PDGFRB: variants seen among roughly 807,000 people sequenced by gnomAD.
The protein encoded by PDGFRB is platelet-derived growth factor receptor beta.
PDGFRB carries 42 observed loss-of-function variants against 120.2 expected under a neutral mutation model. The ratio of observed to expected loss-of-function variants is 0.35; its 90% confidence interval spans 0.27 to 0.45. The LOEUF is 0.45. Ranked by LOEUF, PDGFRB falls within the 20% of genes least tolerant of loss-of-function variation. The pLI is 1.00. For synonymous variants in PDGFRB, 586 were observed against 606.8 expected, an observed-to-expected ratio of 0.97 and a Z score of 0.50; for missense variants, 1,149 against 1,476.3, an observed-to-expected ratio of 0.78 and a Z score of 3.63.
intron 1 of PDGFRB, among the ~76,000 whole-genome samples, chr5:150,146,945 G>A (rs750348736): frequency 5.3e-5 from 8 of 152,176 alleles, no homozygotes; most frequent in African/African-American, 9.7e-5. Context: ...TTTTAAAGTC[G>A]AGCTAGGGAT....
At position 150,132,619 on chromosome 5, in the gene PDGFRB, C is replaced by T; in HGVS notation, c.1127+131G>A. ...GAACTGTCAGCTCTGGTCGCTGCAGCATCCCCAGCACCTGGCACCTAATAT... is the reference window on the plus strand; with the variant it reads ...GAACTGTCAGCTCTGGTCGCTGCAGTATCCCCAGCACCTGGCACCTAATAT... On this transcript the variant is annotated intron_variant, in intron 7 of 22. Coordinates refer to ENST00000261799, the MANE Select transcript of PDGFRB (RefSeq NM_002609.4). This position sits in a 1 kb window ranked among gnomAD's most constrained non-coding sequence, Gnocchi z 5.0. 1.3e-6 allele frequency: 1 copy of T among 793,952 alleles called. No individual in the cohort carries two copies. Among genetic ancestry groups the T allele is most frequent in the Non-Finnish European group, 2.0e-6 (1 of 507,850 alleles). 49.2% of individuals were successfully genotyped at this position (793,952 alleles called of 1,614,324 possible).
chr5:150,149,343 CT>C (rs1761008833), intron 1 of PDGFRB, among the ~76,000 whole-genome samples: 1 of 152,198 alleles, frequency 6.6e-6, no homozygotes, highest in African/African-American at 2.4e-5. Context: ...ATGCAGGGCT[CT>C]TTGTTAAAAA....
chr5:150,118,860 T>A lies in PDGFRB; in HGVS notation c.2799-8A>T. 5.7e-6 allele frequency: 9 copies of A among 1,580,340 alleles called. No individual in the cohort carries two copies. Among genetic ancestry groups the A allele is most frequent in the Non-Finnish European group, 7.8e-6 (9 of 1,150,120 alleles). On this transcript the variant is annotated splice_polypyrimidine_tract_variant and splice_region_variant and intron_variant, in intron 20 of 22. Transcript: ENST00000261799. ...TTCTGCATGATCTCATAGCTGGGGATAGGGAGAAGGGTCAGGGCCTCTGGC... is the reference window on the plus strand; with the variant it reads ...TTCTGCATGATCTCATAGCTGGGGAAAGGGAGAAGGGTCAGGGCCTCTGGC...
chr5:150,114,865 C>T lies in PDGFRB; in HGVS notation c.*898G>A, dbSNP rs185163183. The T allele has an allele frequency of 1.4e-4, 32 of 233,498 alleles. No individual in the cohort carries two copies. In the Admixed American group the frequency reaches 1.7e-3, roughly 12 times the overall value. The allele number at this position is 233,498 out of a possible 1,614,324, so 14.5% of individuals were successfully genotyped here. Reference sequence around the variant, plus strand: ...AGAGGGTGAGGGATTCCTCCAAAGCCTCATAGCAGGTCCAATGCAGAGCCA... The same window carrying T: ...AGAGGGTGAGGGATTCCTCCAAAGCTTCATAGCAGGTCCAATGCAGAGCCA... On this transcript the variant is annotated 3_prime_UTR_variant, in exon 23 of 23. Coordinates refer to ENST00000261799, the MANE Select transcript of PDGFRB (RefSeq NM_002609.4).
chr5:150,117,289 G>GCTT (rs758532781), intron 22 of PDGFRB, among the ~76,000 whole-genome samples: 44 of 152,130 alleles, frequency 2.9e-4, no homozygotes, highest in Middle Eastern at 3.2e-3. Context: ...AAGTAGGTTT[G>GCTT]CTTCTTCTTT....
chr5:150,133,849 C>A, intron 5 of PDGFRB, 32 bp downstream of exon 5: 1 of 1,613,680 alleles, frequency 6.2e-7, no homozygotes, highest in Non-Finnish European at 8.5e-7. Context: ...GTTCCTGGCC[C>A]CTCCTCCGAC....
At position 150,133,721 on chromosome 5, in the gene PDGFRB, C is replaced by A. The variant is rs754514493; in HGVS notation, c.799G>T (p.Asp267Tyr). ...LVEPVTDFLL[D>Y]MPYHIRSILH... ...ATGGAGCGGATGTGGTAAGGCATAT[C>A]CAAGAGGAAGTCAGTCACCGGCTCC... The change falls in exon 6 of 23, where the codon GAT (aspartate) becomes TAT (tyrosine). Residue 267 changes from aspartate (D) to tyrosine (Y), a missense_variant. This residue lies in a region of PDGFRB where 879 missense variants were observed against 1,108.6 expected (regional missense o/e 0.79). Coordinates refer to ENST00000261799, the MANE Select transcript of PDGFRB (RefSeq NM_002609.4). 1 of 1,614,134 alleles carries A rather than the reference C, an allele frequency of 6.2e-7. No individual in the cohort carries two copies. Among genetic ancestry groups the A allele is most frequent in the East Asian group, 2.2e-5 (1 of 44,878 alleles).
At position 150,134,804 on chromosome 5, in the gene PDGFRB, T is replaced by C. The variant is rs747602665; in HGVS notation, c.577A>G (p.Thr193Ala). 6 of 1,614,058 alleles carry C rather than the reference T, an allele frequency of 3.7e-6. No individual in the cohort carries two copies. Among genetic ancestry groups the C allele is most frequent in the Non-Finnish European group, 5.1e-6 (6 of 1,179,972 alleles). Residue 193 changes from threonine (T) to alanine (A), a missense_variant, in exon 4 of 23, where the codon ACC (threonine) becomes GCC (alanine). Physicochemically the swap from Thr to Ala is moderately conservative, Grantham distance 58 (BLOSUM62 0). This residue lies in a region of PDGFRB where 879 missense variants were observed against 1,108.6 expected (regional missense o/e 0.79). Coordinates refer to ENST00000261799, the MANE Select transcript of PDGFRB (RefSeq NM_002609.4). ...FEDRSYICKT[T>A]IGDREVDSDA... Reference sequence around the variant, plus strand: ...GAATCCACCTCCCTGTCCCCAATGGTGGTTTTGCAGATGTAGCTTCTGTCC... The same window carrying C: ...GAATCCACCTCCCTGTCCCCAATGGCGGTTTTGCAGATGTAGCTTCTGTCC...
Position 150,123,147 on chromosome 5 carries a change from A to T in PDGFRB, c.2078T>A (p.Leu693Gln). 6.2e-7 allele frequency: 1 copy of T among 1,613,780 alleles called. No homozygotes were observed. Among genetic ancestry groups the T allele is most frequent in the Non-Finnish European group, 8.5e-7 (1 of 1,179,788 alleles). ...CAGGAAGGTGTGTTTGTTGCGGTGC[A>T]GGTAGTCCACCAGGTCTCCGTAGCG... ...YCRYGDLVDY[L>Q]HRNKHTFLQH... Residue 693 changes from leucine to glutamine, a missense_variant, in exon 15 of 23, where the codon CTG becomes CAG. Coordinates refer to ENST00000261799, the MANE Select transcript of PDGFRB (RefSeq NM_002609.4).
chr5:150,129,566 C>T (rs138119663), intron 10 of PDGFRB, among the ~76,000 whole-genome samples, 191 bp downstream of exon 10: 44 of 152,348 alleles, frequency 2.9e-4, no homozygotes, highest in African/African-American at 1.0e-3. Context: ...TGTTTGTACA[C>T]GTGTGTACCC....
intron 3 of PDGFRB, 110 bp from the exon 4 acceptor site, chr5:150,135,126 C>T: frequency 1.6e-6 from 1 of 644,494 alleles, no homozygotes; most frequent in Non-Finnish European, 2.8e-6. Flanking sequence ...CTCCCCGTTA[C>T]AGAATAGGGA....
At chr5:150,140,990 G>A (rs1037814121) in intron 1 of PDGFRB, among the ~76,000 whole-genome samples, 2 of 152,214 alleles carry the variant, frequency 1.3e-5, no homozygotes, top group South Asian at 2.1e-4. Context: ...GGCCAGGGAG[G>A]GGGCCCTGCA....
At chr5:150,136,347 G>T (rs1760631795) in intron 2 of PDGFRB, among the ~76,000 whole-genome samples, 1 of 152,202 alleles carries the variant, frequency 6.6e-6, no homozygotes, top group Admixed American at 6.5e-5. Context: ...AGGGGGGCCA[G>T]AAAAGATGCT....
intron 1 of PDGFRB, among the ~76,000 whole-genome samples, chr5:150,142,093 C>A (rs986237225): frequency 1.3e-5 from 2 of 152,228 alleles, no homozygotes; most frequent in East Asian, 1.9e-4. Context: ...AATGTCAGCA[C>A]GCCAGAGCCC....
chr5:150,133,634 T>A lies in PDGFRB; in HGVS notation c.886A>T (p.Ser296Cys), dbSNP rs764858967. Residue 296 changes from serine (S) to cysteine (C), a missense_variant, in exon 6 of 23, where the codon AGT becomes TGT. Physicochemically the swap from Ser to Cys is moderately radical, Grantham distance 112 (BLOSUM62 -1). This residue lies in a region of PDGFRB where 879 missense variants were observed against 1,108.6 expected (regional missense o/e 0.79). Coordinates refer to ENST00000261799, the MANE Select transcript of PDGFRB (RefSeq NM_002609.4). ...SGTYTCNVTE[S>C]VNDHQDEKAI... ...TTTTCATCCTGATGGTCATTCACAC[T>A]CTCCGTCACATTGCAGGTGTAGGTC... is the stretch of plus-strand genomic sequence containing the variant. The A allele has an allele frequency of 6.2e-7, 1 of 1,614,132 alleles. No homozygotes were observed. Among genetic ancestry groups the A allele is most frequent in the East Asian group, 2.2e-5 (1 of 44,882 alleles).
chr5:150,151,942 T>G (rs898329819), intron 1 of PDGFRB, among the ~76,000 whole-genome samples: 3 of 151,860 alleles, frequency 2.0e-5, no homozygotes, highest in Non-Finnish European at 4.4e-5. Context: ...ATTTATTTAT[T>G]TATTTTTTTT....
chr5:150,116,872 C>T (rs373579090), intron 22 of PDGFRB, among the ~76,000 whole-genome samples: 5 of 152,162 alleles, frequency 3.3e-5, no homozygotes, highest in African/African-American at 7.2e-5. Context: ...AACTGAGGCT[C>T]GCAGAGGAGA....
chr5:150,154,112 A>C (rs1288025968), intron 1 of PDGFRB, among the ~76,000 whole-genome samples: 2 of 152,206 alleles, frequency 1.3e-5, no homozygotes, highest in Non-Finnish European at 2.9e-5. Context: ...TGGCTTCAGC[A>C]CAAAGTGCAT....
intron 9 of PDGFRB, 82 bp from the exon 10 acceptor site, chr5:150,130,050 G>T (rs1438641203): frequency 4.5e-6 from 5 of 1,107,250 alleles, no homozygotes; most frequent in Non-Finnish European, 6.8e-6. Context: ...GTGGAAGGAG[G>T]CAGGACGTGT....
Sources: gnomAD v4.1 joint callset for allele counts (sites outside exome capture counted in the v4.1 genomes callset) on GRCh38, gnomAD v4.1.1 for gene constraint, gnomAD v4.1.1 regional missense constraint, Gnocchi (gnomAD v3.1) non-coding constraint, MANE v1.5 for transcripts, NCBI Gene and HGNC (gene_info 2026-07-23, HGNC 2026-07-21) for gene names.